The following AGMO variants were observed in gnomAD, a reference collection of about 807,000 sequenced individuals.
AGMO encodes alkylglycerol monooxygenase.
In AGMO, 75 loss-of-function variants were observed where a neutral mutation model predicts 60.2. The ratio of observed to expected loss-of-function variants is 1.25; its 90% CI spans 1.03 to 1.51. The LOEUF (loss-of-function observed/expected upper bound fraction) is 1.51. Among genes scored for constraint, AGMO ranks in the 40% most tolerant of loss-of-function variants. AGMO has a pLI of 0.00. For missense variants in AGMO, 763 were observed against 525.5 expected (o/e 1.45, Z -4.42); for synonymous variants, 261 against 177.1 (o/e 1.47, Z -3.76).
intron 3 of AGMO, among the ~76,000 whole-genome samples, chr7:15,544,551 GA>G (rs1290461691): frequency 1.3e-5 from 2 of 151,902 alleles, no homozygotes; most frequent in East Asian, 1.9e-4. Flanking sequence ...AATTAGAAGC[GA>G]AAAAAATGTA....
chr7:15,311,652 T>C (rs4623313), intron 12 of AGMO, among the ~76,000 whole-genome samples: 130,819 of 152,150 alleles, frequency 0.86, 56,355 homozygotes, highest in African/African-American at 0.89. Flanking sequence ...TCATTCTATG[T>C]CTTAATAAAC....
At chr7:15,209,444 G>C (rs1781525131) in intron 12 of AGMO, among the ~76,000 whole-genome samples, 2 of 152,034 alleles carry the variant, frequency 1.3e-5, no homozygotes, top group Non-Finnish European at 2.9e-5. Context: ...AGAGATGTCT[G>C]GTTTTAAAAA....
At chr7:15,478,563 G>A (rs1000641222) in intron 3 of AGMO, among the ~76,000 whole-genome samples, 2 of 152,104 alleles carry the variant, frequency 1.3e-5, no homozygotes, top group Admixed American at 6.6e-5. Context: ...CCCATCTGCT[G>A]ACAGACATCA....
At chr7:15,273,365 C>T (rs556116653) in intron 12 of AGMO, among the ~76,000 whole-genome samples, 98 of 152,268 alleles carry the variant, frequency 6.4e-4, no homozygotes, top group African/African-American at 2.0e-3. Flanking sequence ...GTTTTCCCAG[C>T]ACCATTTATT....
At chr7:15,354,191 C>G (rs1357695110) in intron 12 of AGMO, among the ~76,000 whole-genome samples, 2 of 150,924 alleles carry the variant, frequency 1.3e-5, no homozygotes, top group Non-Finnish European at 3.0e-5. Context: ...TTATTTTCAC[C>G]TTCAACTTAG....
chr7:15,127,973 C>T, the AGMO span, among the ~76,000 whole-genome samples: 3 of 152,124 alleles, frequency 2.0e-5, no homozygotes, highest in African/African-American at 7.2e-5. Context: ...CCTTCAATTC[C>T]TGCCATCCAT....
intron 10 of AGMO, among the ~76,000 whole-genome samples, chr7:15,377,309 T>A (rs1390592681): frequency 6.6e-6 from 1 of 152,134 alleles, no homozygotes; most frequent in Non-Finnish European, 1.5e-5. Context: ...TGTCTCCAAC[T>A]CTACTTTCAG....
intron 10 of AGMO, among the ~76,000 whole-genome samples, chr7:15,370,115 C>G (rs1783144442): frequency 6.6e-6 from 1 of 151,992 alleles, no homozygotes; most frequent in Non-Finnish European, 1.5e-5. Flanking sequence ...TCCAGGGTAC[C>G]CAATGTTTAG....
chr7:15,208,439 T>C (rs1004915683), intron 12 of AGMO, among the ~76,000 whole-genome samples: 6 of 152,180 alleles, frequency 3.9e-5, no homozygotes, highest in Admixed American at 1.3e-4. Context: ...TTTATGGATA[T>C]GAGAAGAAAA....
intron 2 of AGMO, among the ~76,000 whole-genome samples, chr7:15,551,808 G>GA (rs909532277): frequency 1.3e-5 from 2 of 151,722 alleles, no homozygotes; most frequent in Non-Finnish European, 2.9e-5. Flanking sequence ...CACAGAATTG[G>GA]AAAAAAACTA....
chr7:15,131,636 C>G, the AGMO span, among the ~76,000 whole-genome samples: 78 of 152,028 alleles, frequency 5.1e-4, no homozygotes, highest in East Asian at 1.7e-3. Context: ...ATATTCAAAA[C>G]AGGGCAGTTG....
Position 15,234,226 on chromosome 7 carries a change from T to G in AGMO, c.1264-32867A>C, listed in dbSNP as rs142388588. Among the ~76,000 whole-genome samples the G allele has an allele frequency of 4.5e-3, 682 of 152,266 alleles. 4 individuals carry two copies. The highest frequency in any genetic ancestry group is 0.014 in the Middle Eastern group (4 of 294). ...GTCAGATAAATAATAACTTGAATCT[T>G]CCAAATTGAGGTTCATGATTACCTT... On this transcript the variant is annotated intron_variant, in intron 12 of 12. Transcript: ENST00000342526.
At chr7:15,370,931 T>C (rs548308563) in intron 10 of AGMO, among the ~76,000 whole-genome samples, 1 of 152,272 alleles carries the variant, frequency 6.6e-6, no homozygotes, top group Non-Finnish European at 1.5e-5. Context: ...TTGTTGTAGT[T>C]GCTTTTGAGG....
At chr7:15,131,990 T>C in the AGMO span, among the ~76,000 whole-genome samples, 1 of 152,040 alleles carries the variant, frequency 6.6e-6, no homozygotes, top group Non-Finnish European at 1.5e-5. Context: ...GGACTCACAA[T>C]TGTCCAAATC....
At chr7:15,419,282 G>A (rs989022162) in intron 4 of AGMO, among the ~76,000 whole-genome samples, 3 of 151,834 alleles carry the variant, frequency 2.0e-5, no homozygotes, top group Non-Finnish European at 2.9e-5. Context: ...TCCTTACAAA[G>A]ACAACTTATG....
intron 3 of AGMO, among the ~76,000 whole-genome samples, chr7:15,519,916 C>T (rs2128534887): frequency 6.7e-6 from 1 of 148,240 alleles, no homozygotes; most frequent in Admixed American, 6.8e-5. Flanking sequence ...AGACCCACCT[C>T]ACTTGCAAAA....
At chr7:15,351,027 G>C (rs1563102708) in intron 12 of AGMO, among the ~76,000 whole-genome samples, 1 of 152,134 alleles carries the variant, frequency 6.6e-6, no homozygotes, top group Non-Finnish European at 1.5e-5. Flanking sequence ...GCATGCATGA[G>C]ATAGTAGGCA....
chr7:15,299,704 T>C (rs1784505814), intron 12 of AGMO, among the ~76,000 whole-genome samples: 2 of 152,076 alleles, frequency 1.3e-5, no homozygotes, highest in Non-Finnish European at 1.5e-5. Context: ...GGCACACACC[T>C]GTAGTTCCAG....
intron 12 of AGMO, among the ~76,000 whole-genome samples, chr7:15,325,166 C>A (rs1781297285): frequency 1.3e-5 from 2 of 152,034 alleles, no homozygotes; most frequent in South Asian, 4.1e-4. Context: ...GAAATATATA[C>A]TGGATAGATA....
Sources: gnomAD v4.1 joint callset for allele counts (sites outside exome capture counted in the v4.1 genomes callset) on GRCh38, gnomAD v4.1.1 for gene constraint, MANE v1.5 for transcripts, NCBI Gene and HGNC (gene_info 2026-07-23, HGNC 2026-07-21) for gene names.